The following PARP8 variants were observed in gnomAD, a reference collection of about 807,000 sequenced individuals.
The protein encoded by PARP8 is poly(ADP-ribose) polymerase family member 8.
A neutral mutation model predicts 124.1 loss-of-function variants in PARP8; 51 were observed. That is an observed-to-expected ratio of 0.41 (90% CI 0.33 to 0.52). PARP8 has a LOEUF of 0.52. Ranked by LOEUF, PARP8 falls within the 20% of genes least tolerant of loss-of-function variation. The pLI, the probability that PARP8 is intolerant of heterozygous loss-of-function variation, is 0.21. For missense variants in PARP8, 860 were observed against 1,018.9 expected, an observed-to-expected ratio of 0.84 and a Z score of 2.12; for synonymous variants, 391 against 361.5, an observed-to-expected ratio of 1.08 and a Z score of -0.93.
At chr5:50,804,883 G>A (rs889623696) in intron 14 of PARP8, among the ~76,000 whole-genome samples, 2 of 151,668 alleles carry the variant, frequency 1.3e-5, no homozygotes, top group East Asian at 1.9e-4. Flanking sequence ...CAAAGAGTGC[G>A]TTTACGTAGA....
Position 50,666,890 on chromosome 5 carries a change from A to T in PARP8, c.-206A>T. On this transcript the variant is annotated 5_prime_UTR_variant, in exon 1 of 26. Transcript: ENST00000281631. ...GCTGGGCGGTCACATCTGGGAATGC[A>T]AAGCCGACCTCCCCCTCCTCCTCCT... 7.3e-7 allele frequency: 1 copy of T among 1,377,166 alleles called. No homozygotes were observed. The highest frequency in any genetic ancestry group is 9.3e-7 in the Non-Finnish European group (1 of 1,071,826). The allele number at this position is 1,377,166 out of a possible 1,614,324, so 85.3% of individuals were successfully genotyped here. A position where few individuals can be genotyped will look rare whatever the true frequency, so the allele number is the denominator to read the frequency against.
At chr5:50,749,485 A>G (rs1758985321) in intron 2 of PARP8, among the ~76,000 whole-genome samples, 1 of 152,134 alleles carries the variant, frequency 6.6e-6, no homozygotes, top group Non-Finnish European at 1.5e-5. Context: ...CAATTTTCGT[A>G]TGTCATATGA....
rs568427592 is a variant in PARP8 at position 50,667,945 on chromosome 5, C to T, written c.92-126C>T. On this transcript the variant is annotated intron_variant, in intron 1 of 25. Coordinates refer to ENST00000281631, the MANE Select transcript of PARP8 (RefSeq NM_024615.4). ...ACGCGGCGCAGAGGGACCTCGCCGC[C>T]CTCTAGCCCTTGCCTTCTGCCCGGC... The T allele has an allele frequency of 1.9e-4, 293 of 1,577,786 alleles. 2 individuals carry two copies. The African/African-American group carries it at 3.6e-3, about 20-fold the overall frequency.
At chr5:50,797,462 T>C (rs1271605648) in intron 14 of PARP8, among the ~76,000 whole-genome samples, 1 of 152,088 alleles carries the variant, frequency 6.6e-6, no homozygotes, top group Non-Finnish European at 1.5e-5. Flanking sequence ...TACATATGTT[T>C]ATCTAACAGC....
chr5:50,741,152 G>C (rs1471467690), intron 2 of PARP8, among the ~76,000 whole-genome samples: 1 of 152,080 alleles, frequency 6.6e-6, no homozygotes, highest in Non-Finnish European at 1.5e-5. Context: ...AAAGAATACT[G>C]AATTAGTTAT....
intron 7 of PARP8, among the ~76,000 whole-genome samples, chr5:50,775,310 T>A (rs1468045913): frequency 6.6e-5 from 10 of 152,168 alleles, no homozygotes; most frequent in Non-Finnish European, 1.3e-4. Context: ...ATCCCAGCAC[T>A]TCGGGAGGCC....
chr5:50,822,272 A>G, intron 16 of PARP8, 63 bp from the exon 17 acceptor site: 2 of 1,128,578 alleles, frequency 1.8e-6, no homozygotes, highest in South Asian at 2.5e-5. Context: ...CTCTAGTGAT[A>G]TACAGACTTG....
chr5:50,682,244 G>C (rs754496251), intron 2 of PARP8, among the ~76,000 whole-genome samples: 74 of 152,106 alleles, frequency 4.9e-4, no homozygotes, highest in Non-Finnish European at 4.7e-4. Flanking sequence ...GAGAAACCTA[G>C]ATCTGAGCAA....
intron 10 of PARP8, among the ~76,000 whole-genome samples, chr5:50,792,105 A>T (rs1276279189): frequency 1.3e-5 from 2 of 152,152 alleles, no homozygotes; most frequent in African/African-American, 2.4e-5. Flanking sequence ...TCTTGACGCG[A>T]TGCAAATGTA....
At chr5:50,719,452 G>T (rs1755655105) in intron 2 of PARP8, among the ~76,000 whole-genome samples, 1 of 151,968 alleles carries the variant, frequency 6.6e-6, no homozygotes, top group African/African-American at 2.4e-5. Context: ...TAGTTTCATA[G>T]TTTCAGGTCT....
At chr5:50,783,242 A>G (rs1458648225) in intron 9 of PARP8, among the ~76,000 whole-genome samples, 2 of 152,050 alleles carry the variant, frequency 1.3e-5, no homozygotes, top group Non-Finnish European at 2.9e-5. Context: ...AAGAAGGGAA[A>G]TAATACCTTG....
At chr5:50,693,673 C>T (rs1309119802) in intron 2 of PARP8, among the ~76,000 whole-genome samples, 1 of 151,126 alleles carries the variant, frequency 6.6e-6, no homozygotes, top group Non-Finnish European at 1.5e-5. Context: ...AGAAATCAAT[C>T]ATGTAAATTA....
At chr5:50,670,084 A>G (rs563991600) in intron 2 of PARP8, among the ~76,000 whole-genome samples, 4 of 152,236 alleles carry the variant, frequency 2.6e-5, no homozygotes, top group South Asian at 2.1e-4. Context: ...TTTTCTGAAA[A>G]TAACGTATTT....
At chr5:50,788,395 G>C in intron 9 of PARP8, 128 bp from the exon 10 acceptor site, 1 of 712,318 alleles carries the variant, frequency 1.4e-6, no homozygotes, top group Non-Finnish European at 2.4e-6. Context: ...GTTTAGGACT[G>C]CATGTACACT....
At chr5:50,743,227 A>G (rs556069225) in intron 2 of PARP8, among the ~76,000 whole-genome samples, 1 of 152,274 alleles carries the variant, frequency 6.6e-6, no homozygotes, top group East Asian at 1.9e-4. Context: ...TTTGGTAAAG[A>G]GGAAAAGAAG....
intron 18 of PARP8, 65 bp downstream of exon 18, chr5:50,825,040 A>G (rs1746190693): frequency 7.4e-7 from 1 of 1,356,826 alleles, no homozygotes; most frequent in Non-Finnish European, 1.0e-6. Context: ...ATTTAAGGAA[A>G]AAAACCAAAC....
chr5:50,791,841 C>T (rs1179564055), intron 10 of PARP8, among the ~76,000 whole-genome samples: 2 of 151,966 alleles, frequency 1.3e-5, no homozygotes, highest in Non-Finnish European at 2.9e-5. Flanking sequence ...ATTTGTAAAA[C>T]GAAATTCAAT....
At chr5:50,740,763 T>G (rs1757960692) in intron 2 of PARP8, among the ~76,000 whole-genome samples, 1 of 150,894 alleles carries the variant, frequency 6.6e-6, no homozygotes. Flanking sequence ...CAGTGAACCG[T>G]GATTGTGCCA....
At chr5:50,803,895 T>G (rs1436350733) in intron 14 of PARP8, among the ~76,000 whole-genome samples, 1 of 152,148 alleles carries the variant, frequency 6.6e-6, no homozygotes, top group African/African-American at 2.4e-5. Context: ...AACTGGACAT[T>G]TTAAATACAA....
Sources: allele counts gnomAD v4.1 joint callset (sites outside exome capture counted in the v4.1 genomes callset), GRCh38; gene constraint gnomAD v4.1.1; transcripts MANE v1.5; gene names NCBI Gene and HGNC (gene_info 2026-07-23, HGNC 2026-07-21).